BIN1: variants seen among roughly 807,000 people sequenced by gnomAD.
The protein encoded by BIN1 is bridging integrator 1.
BIN1 carries 53 observed loss-of-function variants against 82.0 expected under a neutral mutation model. The ratio of observed to expected loss-of-function variants is 0.65; its 90% confidence interval spans 0.52 to 0.81. The LOEUF is 0.81. Ranked by LOEUF, BIN1 falls within the 40% of genes least tolerant of loss-of-function variation. The probability of loss-of-function intolerance (pLI) is 0.00; values close to 1 mark genes in which losing one functional copy is unlikely to be tolerated. For synonymous variants in BIN1, 302 were observed against 328.0 expected, an observed-to-expected ratio of 0.92 and a Z score of 0.86; for missense variants, 642 against 784.4, an observed-to-expected ratio of 0.82 and a Z score of 2.17.
chr2:127,074,702 T>G (rs541042189), intron 2 of BIN1, among the ~76,000 whole-genome samples: 1 of 152,012 alleles, frequency 6.6e-6, no homozygotes, highest in South Asian at 2.1e-4. Flanking sequence ...GCCTGTTTTT[T>G]GTTTGTTTGT....
chr2:127,100,825 C>T (rs1433981624), intron 1 of BIN1, among the ~76,000 whole-genome samples: 2 of 152,112 alleles, frequency 1.3e-5, no homozygotes. Flanking sequence ...CTGAGTCCCT[C>T]CAGTGGTCTC....
intron 2 of BIN1, among the ~76,000 whole-genome samples, chr2:127,071,697 C>T (rs2105087374): frequency 6.6e-6 from 1 of 152,276 alleles, no homozygotes; most frequent in South Asian, 2.1e-4. Flanking sequence ...CAGAAGTTTC[C>T]AGAAGCCACG....
rs1440579435 is a variant in BIN1, at chr2:127,067,420, C to T, written c.612+743G>A. On this transcript the variant is annotated intron_variant, in intron 7 of 18. Coordinates refer to ENST00000316724, the MANE Select transcript of BIN1 (RefSeq NM_139343.3). The surrounding 1 kb of genome is among the most constrained non-coding windows in gnomAD (Gnocchi z 4.7). ...TTGGAGGGCAGGGGGCTGAGAAGAC[C>T]ATAGCCTCTATGGCCAGGATGGTGA... Among the ~76,000 whole-genome samples the T allele has an allele frequency of 6.6e-6, 1 of 152,196 alleles. No individual in the cohort carries two copies. The highest frequency in any genetic ancestry group is 1.5e-5 in the Non-Finnish European group (1 of 68,038).
chr2:127,069,965 G>T, intron 5 of BIN1, 30 bp downstream of exon 5: 1 of 1,606,214 alleles, frequency 6.2e-7, no homozygotes, highest in Non-Finnish European at 8.5e-7. Flanking sequence ...CCAGGCCAGA[G>T]CAGGGCAGAT....
chr2:127,058,534 A>C (rs1684002642), intron 11 of BIN1, among the ~76,000 whole-genome samples: 1 of 142,900 alleles, frequency 7.0e-6, no homozygotes. Context: ...TAGCCACCCC[A>C]CACCCTCCTC....
chr2:127,085,995 C>T (rs542336457), intron 1 of BIN1, among the ~76,000 whole-genome samples: 1 of 152,102 alleles, frequency 6.6e-6, no homozygotes, highest in South Asian at 2.1e-4. Context: ...CACATGTGCC[C>T]CTCTAGGTAA....
At chr2:127,052,475 G>T in intron 14 of BIN1, 113 bp from the exon 15 acceptor site, 1 of 994,706 alleles carries the variant, frequency 1.0e-6, no homozygotes, top group Non-Finnish European at 1.5e-6. Flanking sequence ...GGGGTTGGTG[G>T]GGGCAGGGTG....
intron 1 of BIN1, among the ~76,000 whole-genome samples, chr2:127,099,890 G>A (rs1218899033): frequency 4.0e-5 from 6 of 151,276 alleles, no homozygotes; most frequent in African/African-American, 9.7e-5. Context: ...TGCAACCTCC[G>A]CCTTGCAGGT....
At chr2:127,052,412 G>A (rs771735400) in intron 14 of BIN1, 50 bp from the exon 15 acceptor site, 10 of 1,501,554 alleles carry the variant, frequency 6.7e-6, no homozygotes, top group Non-Finnish European at 9.1e-6. Context: ...GGAGGCCGGG[G>A]TGGAAAGGCA....
intron 11 of BIN1, among the ~76,000 whole-genome samples, chr2:127,058,542 CT>C (rs1386994635): frequency 2.3e-5 from 3 of 132,632 alleles, no homozygotes; most frequent in African/African-American, 7.8e-5. Flanking sequence ...CCACACCCTC[CT>C]CTGAGCCCTT....
In BIN1 at chr2:127,059,802, A is replaced by G. The variant is rs1296645196; in HGVS notation, c.858-647T>C. On this transcript the variant is annotated intron_variant, in intron 10 of 18. Transcript: ENST00000316724. The surrounding 1 kb of genome is among the most constrained non-coding windows in gnomAD (Gnocchi z 6.7). ...GTCCTGAGCCATGGCGTTCAGTGCC[A>G]GAACCCAAGGCGGAGGTGGTGTGAT... Among the ~76,000 whole-genome samples, 1 of 152,196 alleles carries G rather than the reference A, an allele frequency of 6.6e-6. No individual in the cohort carries two copies. The highest frequency in any genetic ancestry group is 1.5e-5 in the Non-Finnish European group (1 of 68,032).
intron 9 of BIN1, among the ~76,000 whole-genome samples, chr2:127,062,601 A>G (rs1021853054): frequency 1.3e-5 from 2 of 152,240 alleles, no homozygotes; most frequent in African/African-American, 4.8e-5. Flanking sequence ...CTGAAAGCAC[A>G]GGCACGAGCG....
At chr2:127,078,309 G>A (rs1235547010) in intron 1 of BIN1, among the ~76,000 whole-genome samples, 2 of 152,224 alleles carry the variant, frequency 1.3e-5, no homozygotes, top group African/African-American at 4.8e-5. Context: ...ATCAGATGTG[G>A]GTCTCTGTCC....
At chr2:127,094,790 C>T (rs1679378258) in intron 1 of BIN1, among the ~76,000 whole-genome samples, 1 of 152,228 alleles carries the variant, frequency 6.6e-6, no homozygotes, top group African/African-American at 2.4e-5. Flanking sequence ...ACCCATTCCT[C>T]AGGGAGGCTT....
chr2:127,082,000 A>C, intron 1 of BIN1: 1 of 646,278 alleles, frequency 1.5e-6, no homozygotes, highest in Non-Finnish European at 1.9e-6. Context: ...GCAGGCAGAC[A>C]CAGACAGAGG....
At chr2:127,052,557 GGT>G (rs1442937780) in intron 14 of BIN1, 195 bp from the exon 15 acceptor site, 8 of 600,660 alleles carry the variant, frequency 1.3e-5, no homozygotes, top group Non-Finnish European at 2.4e-5. Context: ...GGGACAGGCA[GGT>G]GTGACTGTGC....
chr2:127,097,041 C>T (rs1408758118), intron 1 of BIN1, among the ~76,000 whole-genome samples: 1 of 152,208 alleles, frequency 6.6e-6, no homozygotes, highest in Non-Finnish European at 1.5e-5. Context: ...GAGACTGAGG[C>T]ATTATTCACG....
chr2:127,070,892 CTCACGTGAA>C, intron 2 of BIN1, 76 bp from the exon 3 acceptor site: 1 of 1,458,138 alleles, frequency 6.9e-7, no homozygotes, highest in Non-Finnish European at 9.4e-7. Context: ...TCCTGCCACC[CTCACGTGAA>C]TGAACCAGGC....
intron 1 of BIN1, among the ~76,000 whole-genome samples, chr2:127,092,020 G>A (rs963659204): frequency 1.3e-5 from 2 of 151,982 alleles, no homozygotes; most frequent in Non-Finnish European, 2.9e-5. Flanking sequence ...CCTACCTTTG[G>A]CCCTGCCCCT....
Sources: allele counts gnomAD v4.1 joint callset (sites outside exome capture counted in the v4.1 genomes callset), GRCh38; gene constraint gnomAD v4.1.1; non-coding constraint Gnocchi (gnomAD v3.1); transcripts MANE v1.5; gene names NCBI Gene and HGNC (gene_info 2026-07-23, HGNC 2026-07-21).